OBSL1: variants seen among roughly 807,000 people sequenced by gnomAD.
OBSL1 encodes the protein obscurin like cytoskeletal adaptor 1.
OBSL1 carries 160 observed loss-of-function variants against 172.0 expected under a neutral mutation model. That is an observed-to-expected ratio of 0.93 (90% CI 0.82 to 1.06). The LOEUF (loss-of-function observed/expected upper bound fraction) is 1.06. OBSL1 is among the 50% of genes least tolerant of loss of function. The pLI, the probability that OBSL1 is intolerant of heterozygous loss-of-function variation, is 0.00. For synonymous variants in OBSL1, 1,200 were observed against 1,196.3 expected (o/e 1.00, Z -0.06); for missense variants, 2,681 against 2,715.4 (o/e 0.99, Z 0.28).
rs538596889 is a variant in OBSL1, at chr2:219,565,316, G to A, written c.2333C>T (p.Ala778Val). 4 of 1,614,018 alleles carry A rather than the reference G, an allele frequency of 2.5e-6. No individual in the cohort carries two copies. The highest frequency in any genetic ancestry group is 1.6e-4 in the Middle Eastern group (1 of 6,062). Residue 778 changes from alanine to valine, a missense_variant, in exon 6 of 21, where the codon GCC (alanine) becomes GTC (valine). Around this residue, in one of 5 missense-constraint regions of OBSL1, gnomAD observed 1,765 missense variants for 1,748.3 expected, o/e 1.01. Coordinates refer to ENST00000404537, the MANE Select transcript of OBSL1 (RefSeq NM_015311.3). ...AAACTCGCCACTGTCCTGGACTTTGGCCTCAGGCAGGATCAGACGGTGTTT... is the reference window on the plus strand; with the variant it reads ...AAACTCGCCACTGTCCTGGACTTTGACCTCAGGCAGGATCAGACGGTGTTT... ...GRKHRLILPEAKVQDSGEFEC... is the reference protein window; with the variant it reads ...GRKHRLILPEVKVQDSGEFEC...
At chr2:219,563,974 C>G (rs1480459194) in intron 6 of OBSL1, among the ~76,000 whole-genome samples, 1 of 152,218 alleles carries the variant, frequency 6.6e-6, no homozygotes, top group African/African-American at 2.4e-5. Flanking sequence ...GCCATGCTTA[C>G]TGCCTCTATT....
At position 219,552,570 on chromosome 2, in the gene OBSL1, C is replaced by A; in HGVS notation, c.5274G>T (p.Leu1758=). 1.3e-6 allele frequency: 2 copies of A among 1,595,214 alleles called. No homozygotes were observed. Among genetic ancestry groups the A allele is most frequent in the Non-Finnish European group, 8.5e-7 (1 of 1,177,162 alleles). ...TGRWELGGRP[L]RPGARVRIRQ... is the part of the protein sequence containing the mutation. ...GGATGCGGACGCGGGCTCCGGGTCT[C>A]AGCGGGCGGCCTCCGAGCTCCCAGC... is the stretch of plus-strand genomic sequence containing the variant. The change falls in exon 18 of 21, where the codon CTG becomes CTT. Residue 1758 remains leucine, a synonymous_variant. Coordinates refer to ENST00000404537, the MANE Select transcript of OBSL1 (RefSeq NM_015311.3).
At chr2:219,549,497 T>G (rs1303564601), downstream of OBSL1, 3 of 1,271,402 alleles carry the variant, frequency 2.4e-6, no homozygotes, top group African/African-American at 4.5e-5. Flanking sequence ...TCGGAGCCCA[T>G]GCACCAGGGG....
chr2:219,549,629 A>C (rs1033460811), downstream of OBSL1: 1 of 1,572,810 alleles, frequency 6.4e-7, no homozygotes, highest in Non-Finnish European at 8.7e-7. Context: ...AGTCTATAGA[A>C]GTGTCAGGCT....
At chr2:219,556,782 T>A in intron 12 of OBSL1, 59 bp from the exon 13 acceptor site, 1 of 1,495,864 alleles carries the variant, frequency 6.7e-7, no homozygotes, top group South Asian at 1.3e-5. Context: ...CTCCTTTTCA[T>A]CCCCTCCTCA....
At position 219,559,393 on chromosome 2, in the gene OBSL1, C is replaced by G. The variant is rs1376475949; in HGVS notation, c.3058G>C (p.Val1020Leu). Reference protein sequence around the residue: ...MCELSREDAPVRWYKDGLEVE... With the variant: ...MCELSREDAPLRWYKDGLEVE... ...TCCAGCCCATCCTTGTACCAGCGCA[C>G]AGGGGCATCCTCCCGAGACAGTTCA... Residue 1020 changes from valine (V) to leucine (L), a missense_variant, in exon 9 of 21, where the codon GTG becomes CTG. Transcript: ENST00000404537. 17 of 1,613,852 alleles carry G rather than the reference C, an allele frequency of 1.1e-5. No individual in the cohort carries two copies. Among genetic ancestry groups the G allele is most frequent in the Non-Finnish European group, 1.4e-5 (16 of 1,179,896 alleles).
intron 14 of OBSL1, 62 bp from the exon 15 acceptor site, chr2:219,554,802 C>A: frequency 1.3e-6 from 2 of 1,481,858 alleles, no homozygotes; most frequent in South Asian, 2.7e-5. Flanking sequence ...GGGTTGCAGT[C>A]AATCCTCATC....
intron 6 of OBSL1, 64 bp downstream of exon 6, chr2:219,565,178 C>T: frequency 6.6e-7 from 1 of 1,506,866 alleles, no homozygotes; most frequent in Middle Eastern, 1.7e-4. Context: ...GACCAGAGGG[C>T]ATGGCTTATG....
rs778764582 is a variant in OBSL1 at position 219,570,556 on chromosome 2, A to G, written c.677T>C (p.Val226Ala). 4.4e-6 allele frequency: 7 copies of G among 1,578,078 alleles called. No homozygotes were observed. Among genetic ancestry groups the G allele is most frequent in the Non-Finnish European group, 6.0e-6 (7 of 1,164,660 alleles). The change falls in exon 1 of 21, where the codon GTG becomes GCG. Residue 226 changes from valine (V) to alanine (A), a missense_variant. Transcript: ENST00000404537. Reference sequence around the variant, plus strand: ...GGGCGGGCTCTCGGGGGGCTGGTGCACCTGGAGCAGCGCCCCCGCCTGCGC... The same window carrying G: ...GGGCGGGCTCTCGGGGGGCTGGTGCGCCTGGAGCAGCGCCCCCGCCTGCGC... The part of the protein sequence containing the change: ...GHAQAGALLQ[V>A]HQPPESPPAD...
chr2:219,551,311 G>A, intron 20 of OBSL1: 1 of 1,413,454 alleles, frequency 7.1e-7, no homozygotes, highest in Non-Finnish European at 9.2e-7. Flanking sequence ...GTAGAAAGGT[G>A]GGAACAGCTG....
intron 8 of OBSL1, 29 bp from the exon 9 acceptor site, chr2:219,559,526 C>CA (rs768481437): frequency 5.6e-6 from 9 of 1,593,312 alleles, no homozygotes; most frequent in Non-Finnish European, 7.7e-6. Flanking sequence ...CACAGCCTGT[C>CA]ACAAGCTCAC....
In OBSL1 at chr2:219,554,501, G is replaced by A. The variant is rs761085438; in HGVS notation, c.4849C>T (p.Arg1617Cys). 1.6e-5 allele frequency: 26 copies of A among 1,613,146 alleles called. No homozygotes were observed. Among genetic ancestry groups the A allele is most frequent in the South Asian group, 1.3e-4 (12 of 91,078 alleles). The change falls in exon 15 of 21, where the codon CGC (arginine) becomes TGC (cysteine). Residue 1617 changes from arginine to cysteine, a missense_variant. Around this residue, in one of 5 missense-constraint regions of OBSL1, gnomAD observed 1,765 missense variants for 1,748.3 expected, o/e 1.01. Transcript: ENST00000404537. The part of the protein sequence containing the change: ...GCVSFTADSL[R>C]CAARLIVREV... ...CTCACAATGAGTCTGGCTGCGCAGC[G>A]CAGGGAATCCGCTGTGAAGGAGACA...
intron 6 of OBSL1, among the ~76,000 whole-genome samples, chr2:219,564,004 G>C (rs919422265): frequency 6.6e-6 from 1 of 152,194 alleles, no homozygotes; most frequent in East Asian, 1.9e-4. Flanking sequence ...ACCCCAGGGT[G>C]GGCAGGAGGT....
In OBSL1 at chr2:219,552,588, C is replaced by T. The variant is rs1318975191; in HGVS notation, c.5256G>A (p.Glu1752=). 3.1e-6 allele frequency: 5 copies of T among 1,587,584 alleles called. No individual in the cohort carries two copies. The highest frequency in any genetic ancestry group is 4.3e-6 in the Non-Finnish European group (5 of 1,173,416). The change falls in exon 18 of 21, where the codon GAG becomes GAA. Residue 1752 remains glutamate, a synonymous_variant. Coordinates refer to ENST00000404537, the MANE Select transcript of OBSL1 (RefSeq NM_015311.3). ...CGGGTCTCAGCGGGCGGCCTCCGAG[C>T]TCCCAGCGCCCCGTGGTCTCGACCT... ...VSEVETTGRW[E]LGGRPLRPGA...
chr2:219,553,181 C>T (rs927013983), intron 16 of OBSL1, among the ~76,000 whole-genome samples, 157 bp from the exon 17 acceptor site: 2 of 152,198 alleles, frequency 1.3e-5, no homozygotes, highest in Non-Finnish European at 2.9e-5. Flanking sequence ...GTCCCCAAGC[C>T]TTTGGGGTCG....
chr2:219,554,142 G>GTAC, intron 15 of OBSL1: 1 of 445,680 alleles, frequency 2.2e-6, no homozygotes, highest in Admixed American at 3.6e-5. Context: ...ACGGCAGACA[G>GTAC]TGTAGCCAGT....
Position 219,552,912 on chromosome 2 carries a change from G to A in OBSL1, c.5102C>T (p.Ala1701Val), listed in dbSNP as rs1193526530. 2 of 1,540,060 alleles carry A rather than the reference G, an allele frequency of 1.3e-6. No individual in the cohort carries two copies. Among genetic ancestry groups the A allele is most frequent in the South Asian group, 1.2e-5 (1 of 83,806 alleles). ...CGGTCCGGCGCGGGCCGTCCCCACC[G>A]CGCAGCTGTAGGTCCCGGCGTCCGA... The part of the protein sequence containing the change: ...GPSDAGTYSC[A>V]VGTARAGPVR... The change falls in exon 17 of 21, where the codon GCG becomes GTG. Residue 1701 changes from alanine (A) to valine (V), a missense_variant. Physicochemically the swap from Ala to Val is moderately conservative, Grantham distance 64. Transcript: ENST00000404537.
chr2:219,560,898 G>A (rs1018487147), intron 8 of OBSL1, among the ~76,000 whole-genome samples: 27 of 152,258 alleles, frequency 1.8e-4, no homozygotes, highest in Middle Eastern at 3.4e-3. Flanking sequence ...GCCCAGCCCC[G>A]GGACCTCAGC....
In OBSL1 at chr2:219,556,133, G is replaced by T. The variant is rs763989373; in HGVS notation, c.4496C>A (p.Ala1499Asp). 4 of 1,613,834 alleles carry T rather than the reference G, an allele frequency of 2.5e-6. No homozygotes were observed. The highest frequency in any genetic ancestry group is 3.4e-6 in the Non-Finnish European group (4 of 1,179,896). ...GAGGCGGTGGATGTGCCCATCCTGG[G>T]CCATGGACAGGCGAGAGTCGTGGGG... The part of the protein sequence containing the change: ...PLPHDSRLSM[A>D]QDGHIHRLFI... The change falls in exon 14 of 21, where the codon GCC (alanine) becomes GAC (aspartate). Residue 1499 changes from alanine to aspartate, a missense_variant. This residue lies in a region of OBSL1 where 1,765 missense variants were observed against 1,748.3 expected (regional missense o/e 1.01). Coordinates refer to ENST00000404537, the MANE Select transcript of OBSL1 (RefSeq NM_015311.3).
Sources: gnomAD v4.1 joint callset for allele counts (sites outside exome capture counted in the v4.1 genomes callset) on GRCh38, gnomAD v4.1.1 for gene constraint, gnomAD v4.1.1 regional missense constraint, MANE v1.5 for transcripts, NCBI Gene and HGNC (gene_info 2026-07-23, HGNC 2026-07-21) for gene names.